The following STT3A variants were observed in gnomAD, a reference collection of about 807,000 sequenced individuals.
The protein encoded by STT3A is dolichyl-diphosphooligosaccharide--protein glycosyltransferase subunit STT3A.
STT3A carries 34 observed loss-of-function variants against 89.2 expected under a neutral mutation model. The observed-to-expected ratio is 0.38, with a 90% CI of 0.29 to 0.51. The LOEUF (loss-of-function observed/expected upper bound fraction) is 0.51. Ranked by LOEUF, STT3A falls within the 20% of genes least tolerant of loss-of-function variation. The probability of loss-of-function intolerance (pLI) is 0.89; values close to 1 mark genes in which losing one functional copy is unlikely to be tolerated. For synonymous variants in STT3A, 282 were observed against 310.3 expected (o/e 0.91, Z 0.96); for missense variants, 555 against 889.5 (o/e 0.62, Z 4.78).
upstream of STT3A, chr11:125,592,269 G>GCA (rs1939318486): frequency 2.6e-6 from 1 of 383,226 alleles, no homozygotes; most frequent in Non-Finnish European, 5.2e-6. Flanking sequence ...AGTTACCAAG[G>GCA]CACAGTAAAA....
In STT3A at chr11:125,621,270, G is replaced by A. The variant is rs1429697973; in HGVS notation, c.*460G>A. The A allele has an allele frequency of 6.5e-6, 1 of 154,608 alleles. No individual in the cohort carries two copies. Among genetic ancestry groups the A allele is most frequent in the Admixed American group, 6.4e-5 (1 of 15,542 alleles). 9.6% of individuals were successfully genotyped at this position (154,608 alleles called of 1,614,324 possible). ...TTTTGTCATAACCCTTTGCATTGCA[G>A]CACCTAGTACAATTCCTTGGAAACA... is the stretch of plus-strand genomic sequence containing the variant. On this transcript the variant is annotated 3_prime_UTR_variant, in exon 18 of 18. Coordinates refer to ENST00000392708, the MANE Select transcript of STT3A (RefSeq NM_152713.5).
intron 3 of STT3A, among the ~76,000 whole-genome samples, chr11:125,599,616 A>G (rs1231589280): frequency 6.6e-6 from 1 of 150,480 alleles, no homozygotes; most frequent in African/African-American, 2.5e-5. Flanking sequence ...GTTATGTTAC[A>G]CAGGCTGGTC....
At chr11:125,592,569 G>C (rs1213567479), upstream of STT3A, 5 of 445,354 alleles carry the variant, frequency 1.1e-5, no homozygotes, top group African/African-American at 2.0e-5. Flanking sequence ...TCCGCAAACC[G>C]ACACGTCACT....
chr11:125,592,273 A>G (rs1026140030), upstream of STT3A: 3 of 385,982 alleles, frequency 7.8e-6, no homozygotes, highest in African/African-American at 2.1e-5. Flanking sequence ...ACCAAGGCAC[A>G]GTAAAAGCTC....
At chr11:125,616,761 TCTGCTTCC>T (rs1254891128) in intron 15 of STT3A, among the ~76,000 whole-genome samples, 1 of 152,198 alleles carries the variant, frequency 6.6e-6, no homozygotes, top group Non-Finnish European at 1.5e-5. Flanking sequence ...CACTGCAGCC[TCTGCTTCC>T]CATGCTCAAG....
Position 125,594,649 on chromosome 11 carries a change from A to G in STT3A, c.-35-1232A>G, listed in dbSNP as rs11220142. Among the ~76,000 whole-genome samples the G allele has an allele frequency of 2.2e-3, 332 of 151,496 alleles. 9 individuals are homozygous for G. In the East Asian group the frequency reaches 0.053, roughly 24 times the overall value. On this transcript the variant is annotated intron_variant, in intron 1 of 17. Coordinates refer to ENST00000392708, the MANE Select transcript of STT3A (RefSeq NM_152713.5). ...AAGAATAACTAACCTATGGTAGATT[A>G]GTGCTATATTGCTATATAAATAATT...
At position 125,606,440 on chromosome 11, in the gene STT3A, T is replaced by C; in HGVS notation, c.755T>C (p.Met252Thr). The C allele has an allele frequency of 6.2e-7, 1 of 1,613,668 alleles. No homozygotes were observed. Among genetic ancestry groups the C allele is most frequent in the Non-Finnish European group, 8.5e-7 (1 of 1,179,890 alleles). Residue 252 changes from methionine (M) to threonine (T), a missense_variant, in exon 8 of 18, where the codon ATG (methionine) becomes ACG (threonine). By Grantham distance (81) the Met-to-Thr change is moderately conservative (BLOSUM62 -1). This residue lies in a region of STT3A where 149 missense variants were observed against 206.2 expected (regional missense o/e 0.72). Transcript: ENST00000392708. ...TACTGCCTGGGCACTATACTTTCTATGCAGATCTCCTTTGTGGGTTTCCAG... is the reference window on the plus strand; with the variant it reads ...TACTGCCTGGGCACTATACTTTCTACGCAGATCTCCTTTGTGGGTTTCCAG... ...TVYCLGTILS[M>T]QISFVGFQPV...
In STT3A at chr11:125,612,707, G is replaced by T. The variant is rs766473308; in HGVS notation, c.1325G>T (p.Ser442Ile). 13 of 1,614,054 alleles carry T rather than the reference G, an allele frequency of 8.1e-6. No homozygotes were observed. Among genetic ancestry groups the T allele is most frequent in the Admixed American group, 1.7e-5 (1 of 60,000 alleles). Reference protein sequence around the residue: ...NLDISRPDKKSKKQQDSTYPI... With the variant: ...NLDISRPDKKIKKQQDSTYPI... ...GACATAAGTCGTCCAGACAAGAAGA[G>T]CAAGAAGCAACAGGATTCCACCTAC... is the stretch of plus-strand genomic sequence containing the variant. The change falls in exon 12 of 18, where the codon AGC becomes ATC. Residue 442 changes from serine (S) to isoleucine (I), a missense_variant. By Grantham distance (142) the Ser-to-Ile change is moderately radical. Transcript: ENST00000392708.
chr11:125,593,347 G>A (rs938342680), intron 1 of STT3A: 2 of 152,580 alleles, frequency 1.3e-5, no homozygotes, highest in African/African-American at 4.8e-5. Context: ...GGAAAACGGG[G>A]CTGGGGAAAT....
At chr11:125,618,312 A>G in intron 15 of STT3A, 61 bp from the exon 16 acceptor site, 1 of 1,469,822 alleles carries the variant, frequency 6.8e-7, no homozygotes, top group Non-Finnish European at 9.1e-7. Flanking sequence ...TAGAAATACT[A>G]ACCTGCTTTA....
intron 15 of STT3A, among the ~76,000 whole-genome samples, chr11:125,616,621 T>C (rs559114699): frequency 3.9e-4 from 60 of 152,396 alleles, no homozygotes; most frequent in Admixed American, 1.4e-3. Context: ...GCTTCTTTTT[T>C]TGTAGACAAC....
chr11:125,595,664 A>G (rs1488816959), intron 1 of STT3A, among the ~76,000 whole-genome samples: 1 of 151,880 alleles, frequency 6.6e-6, no homozygotes, highest in Non-Finnish European at 1.5e-5. Context: ...TATTCTGACC[A>G]CTCCATTTTA....
chr11:125,612,217 C>T (rs960603287), intron 11 of STT3A, among the ~76,000 whole-genome samples: 1 of 152,016 alleles, frequency 6.6e-6, no homozygotes, highest in Non-Finnish European at 1.5e-5. Context: ...GATTGTAATA[C>T]TAATAACTAA....
intron 15 of STT3A, among the ~76,000 whole-genome samples, chr11:125,617,807 T>C (rs1940221537): frequency 6.6e-6 from 1 of 152,348 alleles, no homozygotes; most frequent in South Asian, 2.1e-4. Flanking sequence ...GGGAACCACA[T>C]TATCATTTTA....
Position 125,601,610 on chromosome 11 carries a change from C to G in STT3A, c.150-693C>G, listed in dbSNP as rs79227215. 7.5e-4 allele frequency among the ~76,000 whole-genome samples: 114 copies of G among 151,512 alleles called. 2 individuals are homozygous for G. In the East Asian group the frequency reaches 0.021, roughly 27 times the overall value. On this transcript the variant is annotated intron_variant, in intron 3 of 17. Coordinates refer to ENST00000392708, the MANE Select transcript of STT3A (RefSeq NM_152713.5). The stretch of plus-strand genomic sequence containing the variant: ...TGTGCTCCAGCCTGGGCAACAAGAG[C>G]GAAACTCTGTCTCAAAAAAAAAAAT...
rs1180698093 is a variant in STT3A at position 125,595,796 on chromosome 11, T to G, written c.-35-85T>G. ...GTGTTTTTGCTAGCTCCTACGTCCT[T>G]TATGATTCCCTCTCATCATAAAATA... On this transcript the variant is annotated intron_variant, in intron 1 of 17. Transcript: ENST00000392708. 6 of 719,638 alleles carry G rather than the reference T, an allele frequency of 8.3e-6. No homozygotes were observed. The African/African-American group carries it at 1.1e-4, about 13-fold the overall frequency. 44.6% of individuals were successfully genotyped at this position (719,638 alleles called of 1,614,324 possible).
At chr11:125,620,453 C>G (rs1162152949) in intron 17 of STT3A, among the ~76,000 whole-genome samples, 3 of 152,162 alleles carry the variant, frequency 2.0e-5, no homozygotes, top group Non-Finnish European at 2.9e-5. Flanking sequence ...TATTTAGCTA[C>G]ATTTTCTTCT....
rs375151065 is a variant in STT3A, at chr11:125,596,021, C to G, written c.88+18C>G. On this transcript the variant is annotated intron_variant, in intron 2 of 17. Coordinates refer to ENST00000392708, the MANE Select transcript of STT3A (RefSeq NM_152713.5). ...TGTATTATGTGAGTGTGCATGTGAA[C>G]CTCTCTTTCTTTGGGGATAGAAAGA... 36 of 1,566,996 alleles carry G rather than the reference C, an allele frequency of 2.3e-5. No individual in the cohort carries two copies. Among genetic ancestry groups the G allele is most frequent in the African/African-American group, 2.7e-5 (2 of 72,944 alleles).
At chr11:125,592,516 G>A (rs557821094), upstream of STT3A, 2 of 454,378 alleles carry the variant, frequency 4.4e-6, no homozygotes, top group Non-Finnish European at 8.8e-6. Flanking sequence ...GTCACATGAC[G>A]GGAGTCAGTG....
Sources: allele counts gnomAD v4.1 joint callset (sites outside exome capture counted in the v4.1 genomes callset), GRCh38; gene constraint gnomAD v4.1.1; regional missense constraint gnomAD v4.1.1; transcripts MANE v1.5; gene names NCBI Gene and HGNC (gene_info 2026-07-23, HGNC 2026-07-21).